Variants in LRRC3B observed in about 807,000 individuals in gnomAD.
The protein encoded by LRRC3B is leucine-rich repeat-containing protein 3B.
A neutral mutation model predicts 12.8 loss-of-function variants in LRRC3B; 2 were observed. The observed-to-expected ratio is 0.16, with a 90% CI of 0.06 to 0.49. The LOEUF is 0.49. Among genes scored for constraint, LRRC3B ranks in the 20% least tolerant of loss-of-function variants. The pLI is 0.96. For missense variants in LRRC3B, 189 were observed against 319.4 expected (o/e 0.59, Z 3.11); for synonymous variants, 132 against 122.0 (o/e 1.08, Z -0.54).
intron 1 of LRRC3B, among the ~76,000 whole-genome samples, chr3:26,697,083 C>G (rs367833907): frequency 1.3e-5 from 2 of 152,116 alleles, no homozygotes; most frequent in Non-Finnish European, 2.9e-5. Flanking sequence ...AATGGGGAGT[C>G]AGATAGAATT....
chr3:26,671,367 TATATATAGAGAGAGAG>T (rs1325065581), intron 1 of LRRC3B, among the ~76,000 whole-genome samples: 1 of 40,296 alleles, frequency 2.5e-5, no homozygotes, highest in Admixed American at 4.1e-4. Flanking sequence ...TATATATATA[TATATATAGAGAGAGAG>T]AGAGAGAGAG....
intron 1 of LRRC3B, among the ~76,000 whole-genome samples, chr3:26,663,167 T>C (rs1170640656): frequency 6.6e-6 from 1 of 152,192 alleles, no homozygotes; most frequent in Non-Finnish European, 1.5e-5. Flanking sequence ...CTCCTTTTTT[T>C]GTAGCCAGCT....
chr3:26,680,520 T>C (rs1699949564), intron 1 of LRRC3B, among the ~76,000 whole-genome samples: 1 of 152,230 alleles, frequency 6.6e-6, no homozygotes, highest in African/African-American at 2.4e-5. Flanking sequence ...CATCCATTTG[T>C]GGGTAGGGTA....
intron 1 of LRRC3B, among the ~76,000 whole-genome samples, chr3:26,644,272 G>A (rs1207442086): frequency 6.6e-6 from 1 of 152,172 alleles, no homozygotes; most frequent in Non-Finnish European, 1.5e-5. Flanking sequence ...GTGTTGATGA[G>A]GCTTTTGTTC....
At chr3:26,664,670 C>T (rs933418622) in intron 1 of LRRC3B, among the ~76,000 whole-genome samples, 8 of 152,070 alleles carry the variant, frequency 5.3e-5, no homozygotes, top group Admixed American at 2.6e-4. Flanking sequence ...GCTGTGCTAT[C>T]GAGAGAGACC....
chr3:26,710,349 GGCAAAATCAGGAGGAT>G lies in LRRC3B; in HGVS notation c.680_695del (p.Gln227ProfsTer8). The G allele has an allele frequency of 6.2e-7, 1 of 1,614,024 alleles. No homozygotes were observed. Among genetic ancestry groups the G allele is most frequent in the Non-Finnish European group, 8.5e-7 (1 of 1,179,982 alleles). On this transcript the variant is annotated frameshift_variant, in exon 2 of 2. Transcript: ENST00000396641. LOFTEE classifies it high-confidence loss of function. The stretch of plus-strand genomic sequence containing the variant: ...ATCTCATATGTGGTATATTATGTGA[GGCAAAATCAGGAGGAT>G]GCCCGGAGACACCTCGAATACTTGA...
intron 1 of LRRC3B, among the ~76,000 whole-genome samples, chr3:26,704,813 T>C (rs1323785155): frequency 6.6e-6 from 1 of 152,220 alleles, no homozygotes; most frequent in East Asian, 1.9e-4. Flanking sequence ...TGACCTTAAC[T>C]TTTTGCCATA....
At chr3:26,701,526 G>T (rs1164092263) in intron 1 of LRRC3B, among the ~76,000 whole-genome samples, 3 of 152,076 alleles carry the variant, frequency 2.0e-5, no homozygotes, top group African/African-American at 7.2e-5. Flanking sequence ...AGTGAAATAA[G>T]ACTCAAGATG....
intron 1 of LRRC3B, among the ~76,000 whole-genome samples, chr3:26,664,557 A>G (rs1699559939): frequency 6.6e-6 from 1 of 152,114 alleles, no homozygotes; most frequent in Admixed American, 6.6e-5. Flanking sequence ...AGTTCCCTAG[A>G]AGCAGATCCT....
exon 2 of LRRC3B, chr3:26,710,254 T>C (rs979702824): frequency 2.5e-6 from 4 of 1,613,712 alleles, no homozygotes; most frequent in Non-Finnish European, 3.4e-6. Context: ...ACGCTGACCT[T>C]TGTAACCTCC....
At chr3:26,701,175 C>A (rs907180497) in intron 1 of LRRC3B, 11 of 151,982 alleles carry the variant, frequency 7.2e-5, no homozygotes, top group Non-Finnish European at 1.3e-4. Context: ...TTAACAAAAA[C>A]CCTGAATTTC....
rs1699987897 is a variant in LRRC3B at position 26,682,252 on chromosome 3, T to C, written c.-160-27261T>C. 2.0e-5 allele frequency among the ~76,000 whole-genome samples: 3 copies of C among 152,160 alleles called. No individual in the cohort carries two copies. In the South Asian group the frequency reaches 6.2e-4, roughly 31 times the overall value. ...TAGCTTTGTAGCTGCCCTTTCCTCT[T>C]GTCCAACTGTTTTTCAAGCTCCTTT... On this transcript the variant is annotated intron_variant, in intron 1 of 1. Transcript: ENST00000396641.
intron 1 of LRRC3B, chr3:26,624,088 T>TG: frequency 6.6e-6 from 1 of 152,490 alleles, no homozygotes; most frequent in Non-Finnish European, 1.5e-5. Context: ...GCTGGGTACC[T>TG]GGGGGCGCGT....
At chr3:26,629,527 A>T (rs555145336) in intron 1 of LRRC3B, among the ~76,000 whole-genome samples, 1 of 152,198 alleles carries the variant, frequency 6.6e-6, no homozygotes, top group Non-Finnish European at 1.5e-5. Context: ...AGCGGTGACT[A>T]AGCAGTATGC....
intron 1 of LRRC3B, among the ~76,000 whole-genome samples, chr3:26,647,279 C>A (rs1430751885): frequency 1.3e-5 from 2 of 152,066 alleles, no homozygotes; most frequent in African/African-American, 4.8e-5. Context: ...ACTATCTTAA[C>A]GGTTTTGATG....
intron 1 of LRRC3B, among the ~76,000 whole-genome samples, chr3:26,649,846 C>G (rs1575126532): frequency 6.6e-6 from 1 of 152,138 alleles, no homozygotes; most frequent in African/African-American, 2.4e-5. Context: ...TCATCTTGAA[C>G]ATCATCCAAA....
At chr3:26,704,584 G>A (rs765648630) in intron 1 of LRRC3B, among the ~76,000 whole-genome samples, 6 of 150,092 alleles carry the variant, frequency 4.0e-5, no homozygotes, top group Non-Finnish European at 8.9e-5. Context: ...TTATTTTTTA[G>A]AGACAGGGTC....
intron 1 of LRRC3B, among the ~76,000 whole-genome samples, chr3:26,671,413 G>GAGAGAGAGAGAGAGAGAGACAC (rs9331540): frequency 1.2e-4 from 12 of 99,404 alleles, no homozygotes; most frequent in East Asian, 3.8e-4. Context: ...GAGAGAGAGA[G>GAGAGAGAGAGAGAGAGAGACAC]ACGAAGTCTT....
chr3:26,667,381 G>GA (rs200779615), intron 1 of LRRC3B, among the ~76,000 whole-genome samples: 213 of 152,016 alleles, frequency 1.4e-3, no homozygotes, highest in African/African-American at 1.9e-3. Flanking sequence ...AGAGAGACCT[G>GA]AAAAAAAATT....
Sources: allele counts gnomAD v4.1 joint callset (sites outside exome capture counted in the v4.1 genomes callset), GRCh38; gene constraint gnomAD v4.1.1; transcripts MANE v1.5; gene names NCBI Gene and HGNC (gene_info 2026-07-23, HGNC 2026-07-21).